The following RYR2 variants were observed in gnomAD, a reference collection of about 807,000 sequenced individuals.
RYR2 encodes the protein cardiac muscle ryanodine receptor-calcium release channel.
Under a neutral mutation model 601.1 loss-of-function variants are expected in RYR2, and 227 were observed. The ratio of observed to expected loss-of-function variants is 0.38; its 90% CI spans 0.34 to 0.42. The LOEUF is 0.42. RYR2 is among the 10% of genes least tolerant of loss of function. RYR2 has a pLI of 1.00. For synonymous variants in RYR2, 2,223 were observed against 2,175.1 expected (o/e 1.02, Z -0.61); for missense variants, 4,646 against 6,156.5 (o/e 0.75, Z 8.21).
At chr1:237,281,972 C>T (rs527252137) in intron 2 of RYR2, among the ~76,000 whole-genome samples, 1 of 148,400 alleles carries the variant, frequency 6.7e-6, no homozygotes, top group East Asian at 2.0e-4. Context: ...CCGTTAGAAC[C>T]CTGGTAACAG....
At chr1:237,769,652 T>C (rs1271300636) in intron 84 of RYR2, among the ~76,000 whole-genome samples, 1 of 152,190 alleles carries the variant, frequency 6.6e-6, no homozygotes, top group Non-Finnish European at 1.5e-5. Context: ...ACTGTGATCA[T>C]TCATAATTTC....
At chr1:237,506,481 T>TGAGCA (rs1201333630) in intron 22 of RYR2, among the ~76,000 whole-genome samples, 1 of 149,342 alleles carries the variant, frequency 6.7e-6, no homozygotes, top group Non-Finnish European at 1.5e-5. Context: ...GAGCTTGCAG[T>TGAGCA]GAGCAGAGAT....
In RYR2 at chr1:237,522,131, C is replaced by A. The variant is rs568914135; in HGVS notation, c.2823-8296C>A. ...GCTATCCCTCCCCGCTCCCCCTACC[C>A]CACAACAGGCCCCAGGGTGTGATGT... On this transcript the variant is annotated intron_variant, in intron 24 of 104. Transcript: ENST00000366574. 5.3e-5 allele frequency among the ~76,000 whole-genome samples: 8 copies of A among 152,198 alleles called. 1 individual carries two copies. In the South Asian group the frequency reaches 1.5e-3, roughly 28 times the overall value.
chr1:237,674,657 A>G lies in RYR2; in HGVS notation c.8715-74A>G, dbSNP rs1170475156. The G allele has an allele frequency of 4.0e-6, 3 of 750,176 alleles. No individual in the cohort carries two copies. In the East Asian group the frequency reaches 8.1e-5, roughly 20 times the overall value. 46.5% of individuals were successfully genotyped at this position (750,176 alleles called of 1,614,324 possible). On this transcript the variant is annotated intron_variant, in intron 59 of 104. Transcript: ENST00000366574. The stretch of plus-strand genomic sequence containing the variant: ...TATGTATGTATATACACATATATAT[A>G]TACACACACACAATTTTACCTTCTA...
At position 237,456,752 on chromosome 1, in the gene RYR2, G is replaced by C. The variant is rs772085271; in HGVS notation, c.1612+17G>C. On this transcript the variant is annotated intron_variant, in intron 16 of 104. Transcript: ENST00000366574. ...AGTTGCTGGGTAAGAAGCATGATTG[G>C]GTTCATAGCAACAGAGTTATCTATT... 1 of 1,612,342 alleles carries C rather than the reference G, an allele frequency of 6.2e-7. No homozygotes were observed. Among genetic ancestry groups the C allele is most frequent in the African/African-American group, 1.3e-5 (1 of 74,950 alleles).
intron 25 of RYR2, among the ~76,000 whole-genome samples, chr1:237,537,750 A>C (rs1340643792): frequency 6.6e-6 from 1 of 152,248 alleles, no homozygotes; most frequent in Non-Finnish European, 1.5e-5. Context: ...GCATGTTACC[A>C]AAAAGATGAT....
chr1:237,563,180 G>A (rs541002484), intron 27 of RYR2, among the ~76,000 whole-genome samples: 11 of 152,216 alleles, frequency 7.2e-5, no homozygotes, highest in Non-Finnish European at 1.3e-4. Context: ...GGCTGAGGCT[G>A]GTGGATCACC....
rs61832488 is a variant in RYR2 at position 237,337,514 on chromosome 1, C to T, written c.273+6532C>T. Among the ~76,000 whole-genome samples the T allele has an allele frequency of 4.6e-3, 703 of 152,312 alleles. 7 individuals carry two copies. The highest frequency in any genetic ancestry group is 6.9e-3 in the Non-Finnish European group (468 of 68,014). On this transcript the variant is annotated intron_variant, in intron 3 of 104. Transcript: ENST00000366574. ...GATTATAGTACAAACTCCCTGAGTT[C>T]ATTTCCTGGTAACATAAGTGACTTA...
At chr1:237,208,034 C>G (rs967239369) in intron 1 of RYR2, among the ~76,000 whole-genome samples, 15 of 152,182 alleles carry the variant, frequency 9.9e-5, no homozygotes, top group African/African-American at 3.6e-4. Context: ...CACTGTACCT[C>G]CCAGGATGAA....
intron 17 of RYR2, among the ~76,000 whole-genome samples, chr1:237,486,534 T>A (rs1662704612): frequency 1.5e-5 from 1 of 64,894 alleles, no homozygotes; most frequent in Non-Finnish European, 3.2e-5. Context: ...CTTAAAAGAC[T>A]CCATAGATTA....
At chr1:237,757,562 T>C in intron 81 of RYR2, 135 bp from the exon 82 acceptor site, 1 of 535,250 alleles carries the variant, frequency 1.9e-6, no homozygotes, top group Non-Finnish European at 3.4e-6. Flanking sequence ...GGAACATAAG[T>C]CAGTCTCCCT....
intron 1 of RYR2, among the ~76,000 whole-genome samples, chr1:237,135,347 A>G (rs189742858): frequency 3.1e-4 from 47 of 151,578 alleles, no homozygotes; most frequent in African/African-American, 1.1e-3. Flanking sequence ...ACTGTCCAGC[A>G]TCCCCTTGTT....
chr1:237,709,158 A>G, intron 69 of RYR2, 60 bp downstream of exon 69: 1 of 1,434,652 alleles, frequency 7.0e-7, no homozygotes, highest in Non-Finnish European at 9.4e-7. Context: ...CTTGGCTCAC[A>G]TGTCCTTGTT....
chr1:237,208,970 A>G (rs866216066), intron 1 of RYR2, among the ~76,000 whole-genome samples: 1,414 of 91,508 alleles, frequency 0.015, 59 homozygotes, highest in Middle Eastern at 0.029. Flanking sequence ...ATATATATAT[A>G]TATATATATA....
rs888298330 is a variant in RYR2 at position 237,231,036 on chromosome 1, A to T, written c.49-39461A>T. 3.3e-5 allele frequency among the ~76,000 whole-genome samples: 5 copies of T among 151,920 alleles called. No homozygotes were observed. In the East Asian group the frequency reaches 9.7e-4, roughly 29 times the overall value. On this transcript the variant is annotated intron_variant, in intron 1 of 104. Transcript: ENST00000366574. ...CTTTGATAATCTTAAGAAAAGCATG[A>T]TTTTAGCATGGAGTGAGGATTATGA... is the stretch of plus-strand genomic sequence containing the variant.
chr1:237,197,048 A>G (rs558988978), intron 1 of RYR2, among the ~76,000 whole-genome samples: 2 of 152,166 alleles, frequency 1.3e-5, no homozygotes, highest in Admixed American at 6.5e-5. Context: ...ATCTTTAAAA[A>G]CATATATGTT....
At chr1:237,054,953 A>ATG (rs1475214637) in intron 1 of RYR2, among the ~76,000 whole-genome samples, 123 of 151,910 alleles carry the variant, frequency 8.1e-4, no homozygotes, top group African/African-American at 2.9e-3. Context: ...GGAGCCTCCT[A>ATG]CTCTAGATGG....
intron 80 of RYR2, chr1:237,755,106 G>A (rs904809504): frequency 7.0e-6 from 9 of 1,288,136 alleles, no homozygotes; most frequent in East Asian, 5.6e-5. Flanking sequence ...CAGCCTCGGC[G>A]AGAACTCTCT....
chr1:237,419,140 G>C (rs1332876129), intron 11 of RYR2, among the ~76,000 whole-genome samples: 1 of 151,818 alleles, frequency 6.6e-6, no homozygotes, highest in African/African-American at 2.4e-5. Flanking sequence ...TAATTAAATT[G>C]TCACTATAAG....
Sources: allele counts gnomAD v4.1 joint callset (sites outside exome capture counted in the v4.1 genomes callset), GRCh38; gene constraint gnomAD v4.1.1; transcripts MANE v1.5; gene names NCBI Gene and HGNC (gene_info 2026-07-23, HGNC 2026-07-21).